The following DNM3 variants were observed in gnomAD, a reference collection of about 807,000 sequenced individuals.
DNM3 encodes the protein dynamin-3.
A neutral mutation model predicts 101.6 loss-of-function variants in DNM3; 47 were observed. That is an observed-to-expected ratio of 0.46 (90% CI 0.37 to 0.59). DNM3 has a LOEUF of 0.59. Ranked by LOEUF, DNM3 falls within the 20% of genes least tolerant of loss-of-function variation. The pLI, the probability that DNM3 is intolerant of heterozygous loss-of-function variation, is 0.00. For synonymous variants in DNM3, 385 were observed against 387.9 expected (o/e 0.99, Z 0.09); for missense variants, 849 against 1,085.7 (o/e 0.78, Z 3.06).
At chr1:172,363,985 C>T (rs1158740306) in intron 17 of DNM3, among the ~76,000 whole-genome samples, 2 of 151,876 alleles carry the variant, frequency 1.3e-5, no homozygotes, top group Admixed American at 1.3e-4. Context: ...GAAAACTCTT[C>T]TCTCTTGAAA....
intron 15 of DNM3, among the ~76,000 whole-genome samples, chr1:172,286,068 T>TTATATA (rs143628364): frequency 0.056 from 8,304 of 147,390 alleles, 305 homozygotes; most frequent in African/African-American, 0.1. Flanking sequence ...AGTGAGTTAT[T>TTATATA]TATATATATA....
rs77252465 is a variant in DNM3, at chr1:171,973,901, G to A, written c.236-13755G>A. On this transcript the variant is annotated intron_variant, in intron 2 of 20. Transcript: ENST00000627582. ...GCTAGTCTTGAACTCCTGAGCTCAC[G>A]TGATCCTCCCGCCTTGGCCTCCTAA... is the stretch of plus-strand genomic sequence containing the variant. Among the ~76,000 whole-genome samples the A allele has an allele frequency of 5.9e-5, 9 of 152,066 alleles. 1 individual carries two copies. The highest frequency in any genetic ancestry group is 5.2e-4 in the Admixed American group (8 of 15,258).
At chr1:172,115,285 T>A (rs1489315047) in intron 13 of DNM3, among the ~76,000 whole-genome samples, 1 of 152,166 alleles carries the variant, frequency 6.6e-6, no homozygotes, top group Non-Finnish European at 1.5e-5. Flanking sequence ...TAGCAAATCC[T>A]GTCATCTGGA....
At chr1:171,951,177 G>A (rs1192725540) in intron 2 of DNM3, among the ~76,000 whole-genome samples, 1 of 152,114 alleles carries the variant, frequency 6.6e-6, no homozygotes, top group Non-Finnish European at 1.5e-5. Context: ...AAAACCTGGT[G>A]GTTGCTTTAT....
chr1:172,323,298 C>A lies in DNM3; in HGVS notation c.1882-31C>A, dbSNP rs537241276. Reference sequence around the variant, plus strand: ...AAATAAATTTCTGTTTAACATATTTCTCTTTCTTTTCCTTGCGGCTACATG... The same window carrying A: ...AAATAAATTTCTGTTTAACATATTTATCTTTCTTTTCCTTGCGGCTACATG... On this transcript the variant is annotated intron_variant, in intron 16 of 20. Transcript: ENST00000627582. 4.6e-5 allele frequency: 72 copies of A among 1,576,990 alleles called. No homozygotes were observed. The South Asian group carries it at 6.2e-4, about 14-fold the overall frequency.
intron 7 of DNM3, among the ~76,000 whole-genome samples, chr1:172,039,430 C>G (rs575024583): frequency 6.6e-6 from 1 of 151,744 alleles, no homozygotes; most frequent in African/African-American, 2.4e-5. Context: ...CCTATATTTC[C>G]TCATTAAAAA....
chr1:171,927,412 A>G (rs926135438), intron 2 of DNM3, among the ~76,000 whole-genome samples: 1 of 152,104 alleles, frequency 6.6e-6, no homozygotes, highest in African/African-American at 2.4e-5. Context: ...CTCCACCCTC[A>G]AGTAGACCCC....
chr1:172,198,900 A>C (rs542008193), intron 14 of DNM3, among the ~76,000 whole-genome samples: 50 of 151,252 alleles, frequency 3.3e-4, no homozygotes, highest in Non-Finnish European at 5.8e-4. Context: ...TTTGTGTCTC[A>C]ATTTCCTTCA....
At chr1:171,886,976 A>C (rs1258704980) in intron 1 of DNM3, among the ~76,000 whole-genome samples, 1 of 152,202 alleles carries the variant, frequency 6.6e-6, no homozygotes, top group Non-Finnish European at 1.5e-5. Context: ...TTGTATTTTA[A>C]TGTGATGTGA....
chr1:172,150,248 G>A (rs2058077830), intron 14 of DNM3, among the ~76,000 whole-genome samples: 1 of 152,016 alleles, frequency 6.6e-6, no homozygotes, highest in Non-Finnish European at 1.5e-5. Flanking sequence ...ATGGAAATTG[G>A]CTTTACTTTT....
chr1:172,319,649 C>T (rs953192197), intron 16 of DNM3, among the ~76,000 whole-genome samples: 12 of 152,200 alleles, frequency 7.9e-5, no homozygotes, highest in Non-Finnish European at 1.8e-4. Context: ...CATCACTGGC[C>T]ATCAGAGAAA....
intron 2 of DNM3, among the ~76,000 whole-genome samples, chr1:171,972,595 A>C (rs913381732): frequency 3.9e-5 from 6 of 152,220 alleles, no homozygotes; most frequent in African/African-American, 1.4e-4. Context: ...TATGCCTGTA[A>C]TCCCAGCACT....
chr1:172,061,321 C>T (rs1368289542), intron 10 of DNM3, among the ~76,000 whole-genome samples: 1 of 143,300 alleles, frequency 7.0e-6, no homozygotes, highest in Non-Finnish European at 1.5e-5. Context: ...CTGGAGATAC[C>T]ATTTGACCCA....
chr1:171,879,514 G>A (rs888125911), intron 1 of DNM3, among the ~76,000 whole-genome samples: 2 of 152,080 alleles, frequency 1.3e-5, no homozygotes, highest in Non-Finnish European at 2.9e-5. Context: ...ACAGATAATG[G>A]AAATAATTCT....
At chr1:172,062,370 A>C (rs1188300311) in intron 10 of DNM3, among the ~76,000 whole-genome samples, 3 of 152,106 alleles carry the variant, frequency 2.0e-5, no homozygotes, top group African/African-American at 7.2e-5. Flanking sequence ...CCCAAGTTTT[A>C]TTCACTCAAG....
downstream of DNM3, among the ~76,000 whole-genome samples, chr1:172,415,108 T>C (rs1325927370): frequency 6.6e-6 from 1 of 152,038 alleles, no homozygotes; most frequent in African/African-American, 2.4e-5. Context: ...AAAGACCAAA[T>C]GTAAGAGCAA....
intron 1 of DNM3, among the ~76,000 whole-genome samples, chr1:171,896,375 C>A (rs1346153943): frequency 6.6e-6 from 1 of 152,108 alleles, no homozygotes; most frequent in Non-Finnish European, 1.5e-5. Context: ...AGTTGGATTC[C>A]TGGGTATTTT....
intron 2 of DNM3, among the ~76,000 whole-genome samples, chr1:171,976,659 A>G (rs562240243): frequency 1.3e-5 from 2 of 152,298 alleles, no homozygotes; most frequent in East Asian, 3.9e-4. Context: ...CCAAAAACAC[A>G]CTAAAGATCT....
At chr1:172,205,053 T>C (rs1029762439) in intron 14 of DNM3, among the ~76,000 whole-genome samples, 7 of 152,156 alleles carry the variant, frequency 4.6e-5, no homozygotes, top group African/African-American at 1.7e-4. Flanking sequence ...TCTGTGAAAC[T>C]CTGTTCTAGT....
Sources: allele counts gnomAD v4.1 joint callset (sites outside exome capture counted in the v4.1 genomes callset), GRCh38; gene constraint gnomAD v4.1.1; transcripts MANE v1.5; gene names NCBI Gene and HGNC (gene_info 2026-07-23, HGNC 2026-07-21).